The following SS18 variants were observed in gnomAD, a reference collection of about 807,000 sequenced individuals.
SS18 encodes the protein protein SSXT.
Under a neutral mutation model 72.5 loss-of-function variants are expected in SS18, and 28 were observed. That is an observed-to-expected ratio of 0.39 (90% CI 0.29 to 0.53). The LOEUF is 0.53. Among genes scored for constraint, SS18 ranks in the 20% least tolerant of loss-of-function variants. The pLI is 0.76. For missense variants in SS18, 518 were observed against 535.3 expected (o/e 0.97, Z 0.32); for synonymous variants, 172 against 164.2 (o/e 1.05, Z -0.37).
At chr18:26,077,985 A>G in intron 3 of SS18, 91 bp downstream of exon 3, 1 of 895,804 alleles carries the variant, frequency 1.1e-6, no homozygotes, top group Non-Finnish European at 1.7e-6. Flanking sequence ...AGGATTTACT[A>G]AACAAAACTT....
At chr18:26,089,217 TA>T (rs556727420) in intron 1 of SS18, among the ~76,000 whole-genome samples, 43 of 147,646 alleles carry the variant, frequency 2.9e-4, no homozygotes, top group Non-Finnish European at 4.6e-4. Context: ...ACAGAAACTA[TA>T]AAAAAAAAAG....
upstream of SS18, chr18:26,090,730 A>G (rs2054712937): frequency 4.2e-6 from 3 of 713,594 alleles, no homozygotes; most frequent in Non-Finnish European, 7.0e-6. Flanking sequence ...TGAAGGAGGC[A>G]CTCTGGCCAG....
chr18:26,067,203 T>A (rs1285416652), intron 3 of SS18, among the ~76,000 whole-genome samples: 1 of 152,178 alleles, frequency 6.6e-6, no homozygotes, highest in Non-Finnish European at 1.5e-5. Context: ...TTTTTAAATA[T>A]CAAAATGTTT....
rs2053259078 is a variant in SS18, at chr18:26,016,807, TAC to T, written c.*1545_*1546del. The T allele has an allele frequency of 4.3e-6, 1 of 231,248 alleles. No homozygotes were observed. Among genetic ancestry groups the T allele is most frequent in the African/African-American group, 2.2e-5 (1 of 45,204 alleles). 14.3% of individuals were successfully genotyped at this position (231,248 alleles called of 1,614,324 possible). A position where few individuals can be genotyped will look rare whatever the true frequency, so the allele number is the denominator to read the frequency against. On this transcript the variant is annotated 3_prime_UTR_variant, in exon 11 of 11. Coordinates refer to ENST00000415083, the MANE Select transcript of SS18 (RefSeq NM_001007559.3). ...ACACAAACACACACTCTCTCTCTCA[TAC>T]ACACACAGAGACCCACTGAAATTCC... is the stretch of plus-strand genomic sequence containing the variant.
chr18:26,049,442 C>A (rs2053884074), intron 5 of SS18, among the ~76,000 whole-genome samples: 1 of 152,154 alleles, frequency 6.6e-6, no homozygotes, highest in South Asian at 2.1e-4. Flanking sequence ...TTGTTGAATT[C>A]TAGTGAAGTT....
chr18:26,090,183 CTGAG>C, intron 1 of SS18: 1 of 415,470 alleles, frequency 2.4e-6, no homozygotes, highest in Non-Finnish European at 4.3e-6. Flanking sequence ...ACGCCCTTCC[CTGAG>C]CGGCCGCCGC....
chr18:26,084,052 C>A (rs184756987), intron 2 of SS18: 235 of 151,954 alleles, frequency 1.5e-3, no homozygotes, highest in African/African-American at 5.4e-3. Flanking sequence ...GACTACCCAC[C>A]TGCACAGGAA....
intron 1 of SS18, among the ~76,000 whole-genome samples, chr18:26,088,318 C>T (rs2054652391): frequency 6.6e-6 from 1 of 152,094 alleles, no homozygotes; most frequent in African/African-American, 2.4e-5. Flanking sequence ...TGTCCTTCTC[C>T]AGAATGAAAT....
At position 26,032,515 on chromosome 18, in the gene SS18, G is replaced by A; in HGVS notation, c.1114C>T (p.Pro372Ser). The A allele has an allele frequency of 2.5e-6, 4 of 1,613,582 alleles. No homozygotes were observed. The highest frequency in any genetic ancestry group is 3.4e-6 in the Non-Finnish European group (4 of 1,179,770). The change falls in exon 10 of 11, where the codon CCA becomes TCA. Residue 372 changes from proline (P) to serine (S), a missense_variant. Coordinates refer to ENST00000415083, the MANE Select transcript of SS18 (RefSeq NM_001007559.3). ...GGGTAGTTAGGATACTGAGGACCTGGACCACCCTGTGAAGGACCTGAAAAT... is the reference window on the plus strand; with the variant it reads ...GGGTAGTTAGGATACTGAGGACCTGAACCACCCTGTGAAGGACCTGAAAAT... Reference protein sequence around the residue: ...QQGYGPSQGGPGPQYPNYPQG... With the variant: ...QQGYGPSQGGSGPQYPNYPQG...
At chr18:26,048,254 A>T (rs2053863852) in intron 5 of SS18, among the ~76,000 whole-genome samples, 1 of 152,242 alleles carries the variant, frequency 6.6e-6, no homozygotes, top group Non-Finnish European at 1.5e-5. Context: ...TTCTATTTCT[A>T]GAATTTATCC....
At chr18:26,054,678 A>T (rs1167485792) in intron 4 of SS18, among the ~76,000 whole-genome samples, 2 of 151,086 alleles carry the variant, frequency 1.3e-5, no homozygotes, top group African/African-American at 2.4e-5. Flanking sequence ...TTTGTACTTT[A>T]AAAAAAAAGA....
At chr18:26,043,821 A>T (rs575222169) in intron 5 of SS18, among the ~76,000 whole-genome samples, 68 of 152,368 alleles carry the variant, frequency 4.5e-4, no homozygotes, top group South Asian at 3.9e-3. Flanking sequence ...TGATTCTAGC[A>T]AGTAAAGAGA....
chr18:26,072,500 AC>A (rs1451516907), intron 3 of SS18, among the ~76,000 whole-genome samples: 2 of 152,306 alleles, frequency 1.3e-5, no homozygotes, highest in South Asian at 4.1e-4. Flanking sequence ...TAAAAGCATT[AC>A]TAAAGATAAG....
Position 26,035,907 on chromosome 18 carries a change from A to C in SS18, c.897T>G (p.Gly299=). The C allele has an allele frequency of 6.3e-7, 1 of 1,599,150 alleles. No individual in the cohort carries two copies. The highest frequency in any genetic ancestry group is 8.5e-7 in the Non-Finnish European group (1 of 1,170,930). ...QYYPDGHNDY[G]YQQPSYPEQG... Reference sequence around the variant, plus strand: ...GTTCAGGATACGACGGTTGCTGATAACCGTAATCATTATGACCTACATCAA... The same window carrying C: ...GTTCAGGATACGACGGTTGCTGATACCCGTAATCATTATGACCTACATCAA... The change falls in exon 8 of 11, where the codon GGT becomes GGG. Residue 299 remains glycine, a synonymous_variant. Coordinates refer to ENST00000415083, the MANE Select transcript of SS18 (RefSeq NM_001007559.3). This position sits in a 1 kb window ranked among gnomAD's most constrained non-coding sequence, Gnocchi z 4.4.
At chr18:26,059,096 A>C (rs571175430) in intron 3 of SS18, among the ~76,000 whole-genome samples, 23 of 152,178 alleles carry the variant, frequency 1.5e-4, no homozygotes, top group African/African-American at 5.3e-4. Context: ...TAATTCAACT[A>C]ATAAAACATC....
At chr18:26,068,353 T>C (rs1232215388) in intron 3 of SS18, 8 of 152,194 alleles carry the variant, frequency 5.3e-5, no homozygotes, top group Non-Finnish European at 8.8e-5. Context: ...TATATTTATA[T>C]TGGCTTTTAT....
At chr18:26,018,902 C>T (rs2053295472) in intron 10 of SS18, among the ~76,000 whole-genome samples, 1 of 152,086 alleles carries the variant, frequency 6.6e-6, no homozygotes, top group Admixed American at 6.5e-5. Flanking sequence ...TGAGCCTTTC[C>T]CTGAGGTCAA....
chr18:26,023,241 T>C (rs2053383916), intron 10 of SS18, among the ~76,000 whole-genome samples: 1 of 152,156 alleles, frequency 6.6e-6, no homozygotes, highest in Admixed American at 6.5e-5. Flanking sequence ...GAAGAGGATA[T>C]TAAAAGAATT....
At chr18:26,071,379 A>T (rs1166607152) in intron 3 of SS18, among the ~76,000 whole-genome samples, 1 of 152,252 alleles carries the variant, frequency 6.6e-6, no homozygotes, top group Non-Finnish European at 1.5e-5. Flanking sequence ...CAAAACTCTT[A>T]AATGCAGTCA....
Sources: gnomAD v4.1 joint callset for allele counts (sites outside exome capture counted in the v4.1 genomes callset) on GRCh38, gnomAD v4.1.1 for gene constraint, Gnocchi (gnomAD v3.1) non-coding constraint, MANE v1.5 for transcripts, NCBI Gene and HGNC (gene_info 2026-07-23, HGNC 2026-07-21) for gene names.